The following GALNT14 variants were observed in gnomAD, a reference collection of about 807,000 sequenced individuals.
GALNT14 encodes the protein polypeptide N-acetylgalactosaminyltransferase 14.
A neutral mutation model predicts 77.5 loss-of-function variants in GALNT14; 60 were observed. The observed-to-expected ratio is 0.77, with a 90% confidence interval of 0.63 to 0.96. The LOEUF (loss-of-function observed/expected upper bound fraction) is 0.96. Ranked by LOEUF, GALNT14 falls within the 40% of genes least tolerant of loss-of-function variation. GALNT14 has a pLI of 0.00. For synonymous variants in GALNT14, 280 were observed against 281.7 expected (o/e 0.99, Z 0.06); for missense variants, 710 against 731.0 (o/e 0.97, Z 0.33).
chr2:31,089,072 G>A (rs1280896849), intron 1 of GALNT14, among the ~76,000 whole-genome samples: 1 of 152,188 alleles, frequency 6.6e-6, no homozygotes, highest in East Asian at 1.9e-4. Flanking sequence ...GAGGTGTCTT[G>A]TTGCCTGCTG....
chr2:31,127,814 T>C (rs1295910445), intron 1 of GALNT14, among the ~76,000 whole-genome samples: 1 of 151,950 alleles, frequency 6.6e-6, no homozygotes, highest in Non-Finnish European at 1.5e-5. Context: ...TTATAGAGAG[T>C]TGATCTGAGC....
At chr2:31,100,195 CTG>C (rs1219658068) in intron 1 of GALNT14, among the ~76,000 whole-genome samples, 4 of 151,976 alleles carry the variant, frequency 2.6e-5, no homozygotes, top group African/African-American at 9.7e-5. Context: ...TGGTTGGAAA[CTG>C]TGACTTTAAG....
intron 1 of GALNT14, among the ~76,000 whole-genome samples, chr2:31,075,733 A>G (rs1675736270): frequency 6.6e-6 from 1 of 152,354 alleles, no homozygotes; most frequent in South Asian, 2.1e-4. Flanking sequence ...TGATTGAATC[A>G]CACATATTCC....
chr2:30,892,631 G>T, the GALNT14 span, among the ~76,000 whole-genome samples: 8 of 152,314 alleles, frequency 5.3e-5, no homozygotes, highest in South Asian at 8.3e-4. Flanking sequence ...TCCCTCCAGA[G>T]TAAAAGGCAA....
At position 31,008,324 on chromosome 2, in the gene GALNT14, T is replaced by C. The variant is rs149522772; in HGVS notation, c.130-15317A>G. On this transcript the variant is annotated intron_variant, in intron 1 of 14. Coordinates refer to ENST00000349752, the MANE Select transcript of GALNT14 (RefSeq NM_024572.4). ...GTTGCCCAGGTTGGTCTCAAATTCC[T>C]GGCCTCAAGCAATCCTCCCATCTTA... is the stretch of plus-strand genomic sequence containing the variant. 3.2e-3 allele frequency among the ~76,000 whole-genome samples: 491 copies of C among 152,258 alleles called. 1 individual carries two copies. Among genetic ancestry groups the C allele is most frequent in the African/African-American group, 0.01 (428 of 41,564 alleles).
chr2:30,965,067 G>A (rs1667918956), intron 3 of GALNT14, among the ~76,000 whole-genome samples: 1 of 152,106 alleles, frequency 6.6e-6, no homozygotes, highest in African/African-American at 2.4e-5. Context: ...TGGGGACATG[G>A]AGGTACTGGG....
intron 1 of GALNT14, among the ~76,000 whole-genome samples, chr2:31,022,547 G>GCTACAAAACAACGTCTTC (rs1374354770): frequency 6.6e-6 from 1 of 152,154 alleles, no homozygotes; most frequent in African/African-American, 2.4e-5. Context: ...ATGTAACACT[G>GCTACAAAACAACGTCTTC]CTACAAAACA....
intron 13 of GALNT14, among the ~76,000 whole-genome samples, chr2:30,913,321 C>T (rs1420755686): frequency 6.6e-6 from 1 of 152,132 alleles, no homozygotes; most frequent in Non-Finnish European, 1.5e-5. Flanking sequence ...GTATCTGTTT[C>T]CACCACATCC....
In GALNT14 at chr2:31,083,452, G is replaced by A. The variant is rs150494774; in HGVS notation, c.129+54506C>T. Among the ~76,000 whole-genome samples, 398 of 152,246 alleles carry A rather than the reference G, an allele frequency of 2.6e-3. 1 individual carries two copies. The highest frequency in any genetic ancestry group is 4.8e-3 in the African/African-American group (199 of 41,538). On this transcript the variant is annotated intron_variant, in intron 1 of 14. Coordinates refer to ENST00000349752, the MANE Select transcript of GALNT14 (RefSeq NM_024572.4). ...CTGGTCTAATCATTTCCTCCCATTC[G>A]TTCCAGTTAATAAGAAAACAGAACA... is the stretch of plus-strand genomic sequence containing the variant.
At chr2:31,087,536 A>AGAGGAGAAGAGGGGAGAGG (rs1160670621) in intron 1 of GALNT14, among the ~76,000 whole-genome samples, 1 of 150,406 alleles carries the variant, frequency 6.6e-6, no homozygotes. Flanking sequence ...CGAGGAGAGG[A>AGAGGAGAAGAGGGGAGAGG]AGACCTCTAG....
intron 9 of GALNT14, among the ~76,000 whole-genome samples, chr2:30,932,805 G>C (rs1314134599): frequency 6.6e-6 from 1 of 152,186 alleles, no homozygotes; most frequent in Non-Finnish European, 1.5e-5. Context: ...TCTACCACTG[G>C]GGAAGAGCCA....
At chr2:31,097,979 A>G (rs1677083599) in intron 1 of GALNT14, among the ~76,000 whole-genome samples, 1 of 152,072 alleles carries the variant, frequency 6.6e-6, no homozygotes, top group Admixed American at 6.6e-5. Flanking sequence ...GATCTGTTCC[A>G]CCTCCACCAT....
intron 6 of GALNT14, among the ~76,000 whole-genome samples, chr2:30,950,957 A>T (rs532121160): frequency 3.3e-5 from 5 of 152,330 alleles, no homozygotes; most frequent in African/African-American, 1.2e-4. Context: ...TAAGTGCCCA[A>T]AGAAAGCAAG....
chr2:30,990,701 T>C (rs560504638), intron 2 of GALNT14, among the ~76,000 whole-genome samples: 47 of 152,360 alleles, frequency 3.1e-4, no homozygotes, highest in African/African-American at 1.0e-3. Context: ...TCCCATGTGC[T>C]TGCCCTCATT....
intron 1 of GALNT14, among the ~76,000 whole-genome samples, chr2:31,092,307 A>G (rs564481156): frequency 6.6e-6 from 1 of 151,808 alleles, no homozygotes; most frequent in East Asian, 2.0e-4. Flanking sequence ...CTGTCCCTTT[A>G]GAGAACCCTG....
chr2:31,026,084 C>A lies in GALNT14; in HGVS notation c.130-33077G>T, dbSNP rs971663560. ...ACAGCCTAACTGAGCTACCACATAA[C>A]ATTGACCATCACAGAGAGCTCGTCC... On this transcript the variant is annotated intron_variant, in intron 1 of 14. Transcript: ENST00000349752. 5.3e-5 allele frequency among the ~76,000 whole-genome samples: 8 copies of A among 152,194 alleles called. No homozygotes were observed. In the East Asian group the frequency reaches 1.5e-3, roughly 29 times the overall value.
At position 30,953,305 on chromosome 2, in the gene GALNT14, CTTTTTTT is replaced by C. The variant is rs34668885; in HGVS notation, c.654+2306_654+2312del. On this transcript the variant is annotated intron_variant, in intron 6 of 14. Transcript: ENST00000349752. Reference sequence around the variant, plus strand: ...TTCTTCCTCACAAATAATTTCCTTCCTTTTTTTTTTTTTTTTTTTTTGAGAGAGAGTC... The same window carrying C: ...TTCTTCCTCACAAATAATTTCCTTCCTTTTTTTTTTTTTTGAGAGAGAGTC... Among the ~76,000 whole-genome samples, 7 of 117,084 alleles carry C rather than the reference CTTTTTTT, an allele frequency of 6.0e-5. No homozygotes were observed. In the South Asian group the frequency reaches 1.1e-3, roughly 19 times the overall value. 76.8% of individuals were successfully genotyped at this position (117,084 alleles called of 152,430 possible).
chr2:31,118,860 C>T (rs7583033), intron 1 of GALNT14, among the ~76,000 whole-genome samples: 94,633 of 152,046 alleles, frequency 0.62, 31,280 homozygotes, highest in African/African-American at 0.85. Flanking sequence ...AAAAGTATGA[C>T]ATTGCCATAG....
At chr2:31,057,067 G>A (rs1192829255) in intron 1 of GALNT14, among the ~76,000 whole-genome samples, 3 of 152,002 alleles carry the variant, frequency 2.0e-5, no homozygotes, top group Non-Finnish European at 2.9e-5. Flanking sequence ...TGATAAGTGG[G>A]AGCTAAACAC....
Sources: gnomAD v4.1 joint callset for allele counts (sites outside exome capture counted in the v4.1 genomes callset) on GRCh38, gnomAD v4.1.1 for gene constraint, MANE v1.5 for transcripts, NCBI Gene and HGNC (gene_info 2026-07-23, HGNC 2026-07-21) for gene names.